C4orf17: variants seen among roughly 807,000 people sequenced by gnomAD.
C4orf17 encodes the protein uncharacterized protein C4orf17.
A neutral mutation model predicts 32.0 loss-of-function variants in C4orf17; 25 were observed. That is an observed-to-expected ratio of 0.78 (90% CI 0.57 to 1.09). The LOEUF (loss-of-function observed/expected upper bound fraction) is 1.09, where lower values mean the gene tolerates loss of function less well. Ranked by LOEUF, C4orf17 falls within the 50% of genes least tolerant of loss-of-function variation. The pLI, the probability that C4orf17 is intolerant of heterozygous loss-of-function variation, is 0.00. For missense variants in C4orf17, 420 were observed against 420.0 expected (o/e 1.00, Z 0.00); for synonymous variants, 149 against 145.8 (o/e 1.02, Z -0.16).
At chr4:99,532,159 A>G (rs1370531028) in intron 5 of C4orf17, among the ~76,000 whole-genome samples, 2 of 152,172 alleles carry the variant, frequency 1.3e-5, no homozygotes, top group African/African-American at 2.4e-5. Flanking sequence ...GGAACTATAA[A>G]TAGAATTGCC....
At chr4:99,537,251 C>T (rs1723576687) in intron 5 of C4orf17, among the ~76,000 whole-genome samples, 1 of 152,190 alleles carries the variant, frequency 6.6e-6, no homozygotes. Context: ...GGAGTGTGAG[C>T]TGCTCAGGGC....
At chr4:99,519,152 G>T (rs1723244584) in intron 2 of C4orf17, 2 of 152,210 alleles carry the variant, frequency 1.3e-5, no homozygotes, top group African/African-American at 4.8e-5. Context: ...CCGTGGAGCT[G>T]GGATATCCCT....
At chr4:99,537,222 G>C (rs982739750) in intron 5 of C4orf17, among the ~76,000 whole-genome samples, 4 of 152,072 alleles carry the variant, frequency 2.6e-5, no homozygotes, top group Non-Finnish European at 5.9e-5. Context: ...GTTGTTAATT[G>C]TATATCAAAT....
chr4:99,530,468 A>G (rs1296665002), intron 5 of C4orf17, among the ~76,000 whole-genome samples: 5 of 152,124 alleles, frequency 3.3e-5, no homozygotes, highest in African/African-American at 1.2e-4. Flanking sequence ...AGCCACAGTT[A>G]TTTCTGAGAA....
intron 5 of C4orf17, among the ~76,000 whole-genome samples, chr4:99,531,676 T>C (rs1723478741): frequency 6.6e-6 from 1 of 152,152 alleles, no homozygotes. Context: ...GCTTGAAAAA[T>C]ATTAACTGGC....
intron 5 of C4orf17, among the ~76,000 whole-genome samples, chr4:99,536,872 A>C (rs1224229112): frequency 6.6e-6 from 1 of 152,174 alleles, no homozygotes; most frequent in African/African-American, 2.4e-5. Flanking sequence ...TTAAAGTCAA[A>C]TATTAGGGAA....
chr4:99,513,116 T>C lies in C4orf17; in HGVS notation c.35T>C (p.Ile12Thr). Residue 12 changes from isoleucine (I) to threonine (T), a missense_variant, in exon 2 of 9, where the codon ATC becomes ACC. Physicochemically the swap from Ile to Thr is moderately conservative, Grantham distance 89. Coordinates refer to ENST00000326581, the MANE Select transcript of C4orf17 (RefSeq NM_032149.3). The stretch of plus-strand genomic sequence containing the variant: ...AACCCCCCGACATCTGCTCTTCAGA[T>C]CGAGGGCAAAGGCAGCCATATTATG... ...NLNPPTSALQ[I>T]EGKGSHIMAR... is the part of the protein sequence containing the mutation. 2.5e-6 allele frequency: 4 copies of C among 1,613,870 alleles called. No individual in the cohort carries two copies. Among genetic ancestry groups the C allele is most frequent in the Non-Finnish European group, 3.4e-6 (4 of 1,179,858 alleles).
Position 99,522,678 on chromosome 4 carries a change from C to A in C4orf17, c.306C>A (p.Asn102Lys). 1 of 1,613,866 alleles carries A rather than the reference C, an allele frequency of 6.2e-7. No homozygotes were observed. Among genetic ancestry groups the A allele is most frequent in the Non-Finnish European group, 8.5e-7 (1 of 1,179,930 alleles). The change falls in exon 3 of 9, where the codon AAC becomes AAA. Residue 102 changes from asparagine to lysine, a missense_variant. Coordinates refer to ENST00000326581, the MANE Select transcript of C4orf17 (RefSeq NM_032149.3). ...TAAGAGGAATGTCGCCAGCCCCAAA[C>A]GGTGCCAAAGTGCCTCCACGGCCTC... ...SPVRGMSPAPNGAKVPPRPHS... is the reference protein window; with the variant it reads ...SPVRGMSPAPKGAKVPPRPHS...
intron 2 of C4orf17, among the ~76,000 whole-genome samples, chr4:99,516,306 A>G (rs779619989): frequency 6.6e-6 from 1 of 152,220 alleles, no homozygotes; most frequent in Non-Finnish European, 1.5e-5. Context: ...TAGTAACATC[A>G]GGCATCCAAA....
At chr4:99,525,413 A>T (rs1723370719) in intron 4 of C4orf17, among the ~76,000 whole-genome samples, 1 of 152,170 alleles carries the variant, frequency 6.6e-6, no homozygotes, top group Non-Finnish European at 1.5e-5. Context: ...CATTTTCCTC[A>T]TGATGTTGAC....
At chr4:99,522,851 A>AT (rs112027447) in intron 3 of C4orf17, 142 bp downstream of exon 3, 195 of 648,770 alleles carry the variant, frequency 3.0e-4, no homozygotes, top group African/African-American at 2.4e-3. Flanking sequence ...TTGTTATATA[A>AT]TTTTTTTTCA....
chr4:99,525,889 T>C (rs558774078), intron 4 of C4orf17, among the ~76,000 whole-genome samples: 1 of 152,344 alleles, frequency 6.6e-6, no homozygotes, highest in South Asian at 2.1e-4. Flanking sequence ...TGCATGTTTT[T>C]GCAAATATTT....
intron 3 of C4orf17, among the ~76,000 whole-genome samples, chr4:99,524,171 T>C (rs984682602): frequency 1.1e-4 from 17 of 152,064 alleles, no homozygotes; most frequent in Admixed American, 5.2e-4. Context: ...TTAGTGGAGA[T>C]GGGACTTCAC....
chr4:99,513,242 A>C, intron 2 of C4orf17, 34 bp downstream of exon 2: 1 of 1,611,410 alleles, frequency 6.2e-7, no homozygotes, highest in Non-Finnish European at 8.5e-7. Flanking sequence ...ATGTGTCTCT[A>C]TTCTCTACAC....
At chr4:99,520,910 T>C (rs575870820) in intron 2 of C4orf17, among the ~76,000 whole-genome samples, 1 of 152,226 alleles carries the variant, frequency 6.6e-6, no homozygotes, top group African/African-American at 2.4e-5. Flanking sequence ...TAAGTATAGA[T>C]TAAGCCATTT....
intron 3 of C4orf17, among the ~76,000 whole-genome samples, chr4:99,523,527 T>C (rs13126513): frequency 0.62 from 93,610 of 152,098 alleles, 31,873 homozygotes; most frequent in African/African-American, 0.9. Flanking sequence ...CCCTCCCTTC[T>C]GCTAGCAATG....
At chr4:99,528,782 G>C (rs1578192649) in intron 4 of C4orf17, among the ~76,000 whole-genome samples, 1 of 152,140 alleles carries the variant, frequency 6.6e-6, no homozygotes, top group East Asian at 1.9e-4. Flanking sequence ...TCATGGGAAT[G>C]GTATGGGGGA....
intron 5 of C4orf17, among the ~76,000 whole-genome samples, chr4:99,534,992 T>G (rs1723538131): frequency 6.6e-6 from 1 of 152,202 alleles, no homozygotes; most frequent in African/African-American, 2.4e-5. Context: ...CCTTCGCTTA[T>G]GAAACTCAGT....
intron 8 of C4orf17, chr4:99,540,676 T>A (rs1396117294): frequency 1.1e-5 from 5 of 450,206 alleles, no homozygotes; most frequent in Non-Finnish European, 2.0e-5. Flanking sequence ...CAGACACTCT[T>A]TGAGAAGCAA....
Sources: gnomAD v4.1 joint callset for allele counts (sites outside exome capture counted in the v4.1 genomes callset) on GRCh38, gnomAD v4.1.1 for gene constraint, MANE v1.5 for transcripts, NCBI Gene and HGNC (gene_info 2026-07-23, HGNC 2026-07-21) for gene names.